Variants in CSMD1 observed in about 807,000 individuals in gnomAD.
CSMD1 encodes the protein CUB and sushi domain-containing protein 1.
Under a neutral mutation model 417.5 loss-of-function variants are expected in CSMD1, and 213 were observed. The ratio of observed to expected loss-of-function variants is 0.51; its 90% CI spans 0.46 to 0.57. CSMD1 has a LOEUF of 0.57. CSMD1 is among the 20% of genes least tolerant of loss of function. The pLI is 0.00. For missense variants in CSMD1, 6,923 were observed against 4,529.7 expected (o/e 1.53, Z -15.17); for synonymous variants, 2,862 against 1,736.8 (o/e 1.65, Z -16.11).
intron 3 of CSMD1, among the ~76,000 whole-genome samples, chr8:4,292,864 G>T (rs981735556): frequency 5.9e-5 from 9 of 152,104 alleles, no homozygotes; most frequent in Non-Finnish European, 1.0e-4. Flanking sequence ...TATTTAATGG[G>T]TTAATTTAAA....
At chr8:4,125,212 C>A (rs1349277746) in intron 3 of CSMD1, among the ~76,000 whole-genome samples, 1 of 152,144 alleles carries the variant, frequency 6.6e-6, no homozygotes, top group Non-Finnish European at 1.5e-5. Context: ...AGGGAAAGGT[C>A]GAGCTGGGAA....
intron 5 of CSMD1, among the ~76,000 whole-genome samples, chr8:3,968,668 T>A (rs972586669): frequency 1.3e-5 from 2 of 152,134 alleles, no homozygotes; most frequent in Non-Finnish European, 2.9e-5. Flanking sequence ...TCCCGAAAGC[T>A]GATAGTGTTA....
At chr8:4,788,126 G>A in intron 1 of CSMD1, 2 of 1,602,398 alleles carry the variant, frequency 1.2e-6, no homozygotes, top group East Asian at 2.2e-5. Context: ...TAGTGTTGAT[G>A]GGCTCTACTT....
chr8:4,166,630 C>T lies in CSMD1; in HGVS notation c.416-134531G>A, dbSNP rs141779924. Among the ~76,000 whole-genome samples, 159 of 152,164 alleles carry T rather than the reference C, an allele frequency of 1.0e-3. 1 individual carries two copies. Among genetic ancestry groups the T allele is most frequent in the African/African-American group, 3.7e-3 (153 of 41,506 alleles). ...TGAACTGTAGGATGGGAGCAGGGGA[C>T]AGAAGACTGCATATTGGGTACCGTG... On this transcript the variant is annotated intron_variant, in intron 3 of 69. Transcript: ENST00000635120.
At chr8:4,589,977 G>A (rs890304171) in intron 2 of CSMD1, among the ~76,000 whole-genome samples, 1 of 152,186 alleles carries the variant, frequency 6.6e-6, no homozygotes, top group Non-Finnish European at 1.5e-5. Context: ...CTAAGCAAGT[G>A]CTTAAGATAC....
rs569685144 is a variant in CSMD1 at position 4,926,808 on chromosome 8, G to C, written c.85+67524C>G. Among the ~76,000 whole-genome samples, 20 of 152,012 alleles carry C rather than the reference G, an allele frequency of 1.3e-4. No homozygotes were observed. In the South Asian group the frequency reaches 3.7e-3, roughly 28 times the overall value. ...GTATTGGGATGCCTACTGCTATTTTGTGTTTGAATATCTACCTAGAACTCC... is the reference window on the plus strand; with the variant it reads ...GTATTGGGATGCCTACTGCTATTTTCTGTTTGAATATCTACCTAGAACTCC... On this transcript the variant is annotated intron_variant, in intron 1 of 69. Coordinates refer to ENST00000635120, the MANE Select transcript of CSMD1 (RefSeq NM_033225.6).
rs552784355 is a variant in CSMD1, at chr8:4,987,766, A to C, written c.85+6566T>G. 5.3e-5 allele frequency among the ~76,000 whole-genome samples: 8 copies of C among 152,296 alleles called. No individual in the cohort carries two copies. The South Asian group carries it at 1.7e-3, about 32-fold the overall frequency. On this transcript the variant is annotated intron_variant, in intron 1 of 69. Transcript: ENST00000635120. ...CCTCAATGTGGGTGGGCACCAGCTC[A>C]TCAACTGTCATCTTGGCTAAAAGAA...
At chr8:4,388,979 A>G (rs528589921) in intron 3 of CSMD1, among the ~76,000 whole-genome samples, 2 of 152,332 alleles carry the variant, frequency 1.3e-5, no homozygotes, top group South Asian at 4.1e-4. Context: ...CACTTGTAAC[A>G]TAACATGTTC....
intron 18 of CSMD1, among the ~76,000 whole-genome samples, chr8:3,376,635 G>A (rs758019335): frequency 1.3e-5 from 2 of 151,702 alleles, no homozygotes; most frequent in East Asian, 3.9e-4. Context: ...CTTTGCGTTT[G>A]TCTTTCACAA....
chr8:3,545,001 T>G (rs1413442855), intron 10 of CSMD1, among the ~76,000 whole-genome samples: 1 of 152,186 alleles, frequency 6.6e-6, no homozygotes, highest in Admixed American at 6.5e-5. Context: ...TTTATGAAAT[T>G]TCTCTCAGGG....
At chr8:4,002,076 T>C (rs1376160410) in intron 4 of CSMD1, among the ~76,000 whole-genome samples, 1 of 152,134 alleles carries the variant, frequency 6.6e-6, no homozygotes, top group Non-Finnish European at 1.5e-5. Flanking sequence ...TAAGATAGTC[T>C]GATTGATTAA....
intron 2 of CSMD1, among the ~76,000 whole-genome samples, chr8:4,552,600 A>G (rs541711180): frequency 1.3e-5 from 2 of 152,236 alleles, no homozygotes; most frequent in South Asian, 4.1e-4. Flanking sequence ...GGACTTCTGG[A>G]ATCACAGTGA....
At chr8:4,811,047 C>T (rs535866497) in intron 1 of CSMD1, among the ~76,000 whole-genome samples, 5 of 152,218 alleles carry the variant, frequency 3.3e-5, no homozygotes, top group Admixed American at 6.5e-5. Context: ...CACACTTAAA[C>T]GATTAATCAG....
At chr8:4,391,521 C>A (rs1803849173) in intron 3 of CSMD1, among the ~76,000 whole-genome samples, 1 of 152,078 alleles carries the variant, frequency 6.6e-6, no homozygotes, top group South Asian at 2.1e-4. Context: ...GGAGACCAAG[C>A]CACAACCACT....
chr8:4,375,102 G>A (rs1198845446), intron 3 of CSMD1, among the ~76,000 whole-genome samples: 2 of 152,042 alleles, frequency 1.3e-5, no homozygotes, highest in Non-Finnish European at 2.9e-5. Context: ...TTCATTGGCA[G>A]ACCTGAAGAA....
intron 7 of CSMD1, among the ~76,000 whole-genome samples, chr8:3,707,379 G>T (rs1801228901): frequency 6.6e-6 from 1 of 152,122 alleles, no homozygotes. Flanking sequence ...AAAACAATAT[G>T]CACAGATGCA....
intron 3 of CSMD1, among the ~76,000 whole-genome samples, chr8:4,162,937 G>A (rs561551660): frequency 2.6e-5 from 4 of 152,068 alleles, no homozygotes. Flanking sequence ...TCTTTTTACT[G>A]TCTCTACAGT....
intron 1 of CSMD1, among the ~76,000 whole-genome samples, chr8:4,906,254 A>G (rs1805268700): frequency 6.6e-6 from 1 of 152,172 alleles, no homozygotes; most frequent in South Asian, 2.1e-4. Context: ...CACTTCCTGA[A>G]CTCTTTTCCA....
At chr8:3,732,045 A>G (rs1020739138) in intron 6 of CSMD1, among the ~76,000 whole-genome samples, 48 of 150,858 alleles carry the variant, frequency 3.2e-4, no homozygotes, top group African/African-American at 1.0e-3. Context: ...TTTTTAGACA[A>G]AAAAAATGCT....
Sources: gnomAD v4.1 joint callset for allele counts (sites outside exome capture counted in the v4.1 genomes callset) on GRCh38, gnomAD v4.1.1 for gene constraint, MANE v1.5 for transcripts, NCBI Gene and HGNC (gene_info 2026-07-23, HGNC 2026-07-21) for gene names.